The following XKR4 variants were observed in gnomAD, a reference collection of about 807,000 sequenced individuals.
XKR4 encodes XK-related protein 4.
Under a neutral mutation model 53.9 loss-of-function variants are expected in XKR4, and 12 were observed. The ratio of observed to expected loss-of-function variants is 0.22; its 90% confidence interval spans 0.14 to 0.36. XKR4 has a LOEUF of 0.36. Among genes scored for constraint, XKR4 ranks in the 10% least tolerant of loss-of-function variants. XKR4 has a pLI of 1.00. For synonymous variants in XKR4, 354 were observed against 362.4 expected (o/e 0.98, Z 0.26); for missense variants, 799 against 859.5 (o/e 0.93, Z 0.88).
intron 2 of XKR4, among the ~76,000 whole-genome samples, chr8:55,414,066 T>C (rs999652479): frequency 1.3e-5 from 2 of 152,176 alleles, no homozygotes; most frequent in Non-Finnish European, 2.9e-5. Context: ...CATAAAGAAA[T>C]AATGAAGCCA....
chr8:55,356,771 T>C (rs1446797655), intron 1 of XKR4, among the ~76,000 whole-genome samples: 1 of 152,150 alleles, frequency 6.6e-6, no homozygotes, highest in Non-Finnish European at 1.5e-5. Flanking sequence ...CCTTGAACAA[T>C]ACAAGTTTGA....
chr8:55,205,028 G>A (rs575947666), intron 1 of XKR4, among the ~76,000 whole-genome samples: 2 of 152,300 alleles, frequency 1.3e-5, no homozygotes, highest in African/African-American at 2.4e-5. Flanking sequence ...TGCTGCCGAC[G>A]AACTGTGAAG....
In XKR4 at chr8:55,527,086, A is replaced by G. The variant is rs1806890865; in HGVS notation, c.*2859A>G. The G allele has an allele frequency of 6.6e-6, 1 of 152,230 alleles. No individual in the cohort carries two copies. Among genetic ancestry groups the G allele is most frequent in the Non-Finnish European group, 1.5e-5 (1 of 68,020 alleles). The allele number at this position is 152,230 out of a possible 1,614,324, so 9.4% of individuals were successfully genotyped here. On this transcript the variant is annotated 3_prime_UTR_variant, in exon 3 of 3. Transcript: ENST00000327381. The stretch of plus-strand genomic sequence containing the variant: ...TTAGCCTTGCTTCCATGATTCAGGA[A>G]GCACTACACTGCCATCAGACTGTTG...
At chr8:55,205,275 C>T (rs1419396994) in intron 1 of XKR4, among the ~76,000 whole-genome samples, 2 of 152,198 alleles carry the variant, frequency 1.3e-5, no homozygotes, top group South Asian at 2.1e-4. Context: ...ACAACATGCA[C>T]ATTGTACTTT....
intron 2 of XKR4, among the ~76,000 whole-genome samples, chr8:55,364,442 T>G (rs2039439380): frequency 6.6e-6 from 1 of 152,156 alleles, no homozygotes; most frequent in South Asian, 2.1e-4. Context: ...TAGCGTGTTC[T>G]CCCCGATGCC....
At chr8:55,357,064 G>A (rs1042962606) in intron 1 of XKR4, among the ~76,000 whole-genome samples, 3 of 152,104 alleles carry the variant, frequency 2.0e-5, no homozygotes, top group South Asian at 2.1e-4. Context: ...ATCAACTATA[G>A]GCTATTAGTG....
At chr8:55,140,180 C>T (rs1286375002) in intron 1 of XKR4, 1 of 425,908 alleles carries the variant, frequency 2.3e-6, no homozygotes, top group East Asian at 7.5e-5. Flanking sequence ...GTCTTTTCTT[C>T]TTTATTTATC....
At chr8:55,194,629 T>C (rs1050057307) in intron 1 of XKR4, among the ~76,000 whole-genome samples, 1 of 152,228 alleles carries the variant, frequency 6.6e-6, no homozygotes, top group Non-Finnish European at 1.5e-5. Flanking sequence ...TGCTTCCTTA[T>C]ATATTGTGCT....
intron 1 of XKR4, among the ~76,000 whole-genome samples, chr8:55,144,376 T>C (rs562523898): frequency 6.7e-6 from 1 of 150,318 alleles, no homozygotes; most frequent in Non-Finnish European, 1.5e-5. Context: ...AAATTTACTT[T>C]AAAAAAAAAA....
chr8:55,411,759 G>A (rs1394484250), intron 2 of XKR4, among the ~76,000 whole-genome samples: 1 of 152,134 alleles, frequency 6.6e-6, no homozygotes, highest in African/African-American at 2.4e-5. Flanking sequence ...CTGTCACCAA[G>A]GTGGCGAAGT....
In XKR4 at chr8:55,307,453, A is replaced by G. The variant is rs1468046149; in HGVS notation, c.807-50225A>G. On this transcript the variant is annotated intron_variant, in intron 1 of 2. Coordinates refer to ENST00000327381, the MANE Select transcript of XKR4 (RefSeq NM_052898.2). ...GATCACTTGAGCCCAGGAGTTCAAG[A>G]CCAGCCTGAGCAATATAGGGAGACA... Among the ~76,000 whole-genome samples the G allele has an allele frequency of 2.6e-5, 4 of 152,254 alleles. No homozygotes were observed. In the East Asian group the frequency reaches 7.7e-4, roughly 29 times the overall value.
At chr8:55,332,772 A>C (rs558755230) in intron 1 of XKR4, among the ~76,000 whole-genome samples, 42 of 151,948 alleles carry the variant, frequency 2.8e-4, no homozygotes, top group African/African-American at 9.6e-4. Context: ...CCTGAAATTC[A>C]GGAAGTTTTT....
At chr8:55,162,172 T>C (rs1294578853) in intron 1 of XKR4, among the ~76,000 whole-genome samples, 1 of 152,158 alleles carries the variant, frequency 6.6e-6, no homozygotes, top group Non-Finnish European at 1.5e-5. Flanking sequence ...CCTTGTTCAT[T>C]TTCTCCTCAT....
At chr8:55,373,982 CGGA>C (rs772053909) in intron 2 of XKR4, among the ~76,000 whole-genome samples, 9 of 151,964 alleles carry the variant, frequency 5.9e-5, no homozygotes, top group Non-Finnish European at 1.3e-4. Flanking sequence ...GTCAGGAAGT[CGGA>C]GAAGTGCGAG....
At chr8:55,122,618 G>A (rs1481053808) in intron 1 of XKR4, among the ~76,000 whole-genome samples, 1 of 152,166 alleles carries the variant, frequency 6.6e-6, no homozygotes, top group Non-Finnish European at 1.5e-5. Flanking sequence ...TTTGGAATTA[G>A]CACGTGTTAA....
intron 2 of XKR4, among the ~76,000 whole-genome samples, chr8:55,382,355 A>G (rs1804247583): frequency 6.6e-6 from 1 of 152,252 alleles, no homozygotes; most frequent in Admixed American, 6.5e-5. Flanking sequence ...AGTTGTGCAT[A>G]CATTCCAAAG....
intron 1 of XKR4, among the ~76,000 whole-genome samples, chr8:55,354,451 G>C (rs898963761): frequency 3.3e-5 from 5 of 152,148 alleles, no homozygotes; most frequent in African/African-American, 4.8e-5. Flanking sequence ...AAAGATGAGA[G>C]AGAATGTCCA....
In XKR4 at chr8:55,303,789, G is replaced by A. The variant is rs1252319802; in HGVS notation, c.807-53889G>A. ...GATTTTCTAGTTTATTTGCGTAGAC[G>A]TGTTTGTAGTATTCTCTGATGGTAG... On this transcript the variant is annotated intron_variant, in intron 1 of 2. Coordinates refer to ENST00000327381, the MANE Select transcript of XKR4 (RefSeq NM_052898.2). Among the ~76,000 whole-genome samples the A allele has an allele frequency of 6.2e-4, 95 of 152,316 alleles. No homozygotes were observed. In the South Asian group the frequency reaches 0.013, roughly 21 times the overall value.
intron 2 of XKR4, among the ~76,000 whole-genome samples, chr8:55,473,869 C>T (rs1479400292): frequency 6.6e-6 from 1 of 150,916 alleles, no homozygotes; most frequent in Non-Finnish European, 1.5e-5. Flanking sequence ...TCTCTCCCCA[C>T]CCCACCTTCC....
Sources: gnomAD v4.1 joint callset for allele counts (sites outside exome capture counted in the v4.1 genomes callset) on GRCh38, gnomAD v4.1.1 for gene constraint, MANE v1.5 for transcripts, NCBI Gene and HGNC (gene_info 2026-07-23, HGNC 2026-07-21) for gene names.